EXTL3: variants seen among roughly 807,000 people sequenced by gnomAD.
EXTL3 encodes the protein exostosin-like 3.
In EXTL3, 27 loss-of-function variants were observed where a neutral mutation model predicts 69.3. The observed-to-expected ratio is 0.39, with a 90% CI of 0.29 to 0.54. The LOEUF (loss-of-function observed/expected upper bound fraction) is 0.54. Ranked by LOEUF, EXTL3 falls within the 20% of genes least tolerant of loss-of-function variation. The pLI, the probability that EXTL3 is intolerant of heterozygous loss-of-function variation, is 0.69. For synonymous variants in EXTL3, 511 were observed against 499.4 expected (o/e 1.02, Z -0.31); for missense variants, 1,003 against 1,231.8 (o/e 0.81, Z 2.78).
At chr8:28,664,475 A>C (rs922801551) in intron 1 of EXTL3, among the ~76,000 whole-genome samples, 2 of 152,140 alleles carry the variant, frequency 1.3e-5, no homozygotes, top group Non-Finnish European at 2.9e-5. Context: ...GAGCCACTGC[A>C]TCCGGCCTCT....
intron 1 of EXTL3, among the ~76,000 whole-genome samples, chr8:28,642,330 C>T (rs1585227341): frequency 6.6e-6 from 1 of 151,486 alleles, no homozygotes. Flanking sequence ...CCTGTGGTCC[C>T]AGCCACTTGG....
In EXTL3 at chr8:28,616,495, C is replaced by T. The variant is rs191265649; in HGVS notation, n.314+8737C>T. ...ATAAAAAATTAGCAGGGCGTGGTGG[C>T]GGGCGCCTGCAGTCCCAGCTACTTG... is the stretch of plus-strand genomic sequence containing the variant. On this transcript the variant is annotated intron_variant and non_coding_transcript_variant, in intron 2 of 4. Transcript: ENST00000522725. Among the ~76,000 whole-genome samples, 485 of 152,188 alleles carry T rather than the reference C, an allele frequency of 3.2e-3. 1 individual carries two copies. Among genetic ancestry groups the T allele is most frequent in the African/African-American group, 7.1e-3 (296 of 41,536 alleles).
intron 6 of EXTL3, among the ~76,000 whole-genome samples, chr8:28,749,063 AAG>A (rs1460157368): frequency 4.6e-5 from 7 of 152,258 alleles, no homozygotes; most frequent in African/African-American, 1.2e-4. Context: ...ACTTAAGAAA[AAG>A]AGAAATTTCT....
intron 3 of EXTL3, among the ~76,000 whole-genome samples, chr8:28,729,292 C>CAAAAAAAAA (rs72487306): frequency 1.4e-5 from 1 of 74,048 alleles, no homozygotes; most frequent in African/African-American, 5.9e-5. Context: ...GACTCTATCT[C>CAAAAAAAAA]AAAAAAAAAA....
chr8:28,609,626 G>C (rs10094832), intron 2 of EXTL3, among the ~76,000 whole-genome samples: 39,650 of 151,118 alleles, frequency 0.26, 5,372 homozygotes, highest in Non-Finnish European at 0.29. Flanking sequence ...TAGCTCATAC[G>C]TGGAATCCCA....
intron 6 of EXTL3, among the ~76,000 whole-genome samples, chr8:28,747,774 G>C (rs983441233): frequency 9.5e-5 from 14 of 147,392 alleles, no homozygotes; most frequent in Non-Finnish European, 2.1e-4. Flanking sequence ...TGTCACCCAG[G>C]CTGCAGTGCA....
At chr8:28,673,570 T>C (rs970947832) in intron 1 of EXTL3, among the ~76,000 whole-genome samples, 11 of 152,196 alleles carry the variant, frequency 7.2e-5, no homozygotes, top group African/African-American at 1.4e-4. Context: ...TGAGCTTTCC[T>C]GGGTCTCTGG....
At chr8:28,733,448 G>C (rs185103001) in intron 4 of EXTL3, among the ~76,000 whole-genome samples, 1 of 152,182 alleles carries the variant, frequency 6.6e-6, no homozygotes, top group Non-Finnish European at 1.5e-5. Flanking sequence ...GCTGAGGCTG[G>C]AGTGCAGTGG....
intron 6 of EXTL3, chr8:28,744,041 C>T (rs552133311): frequency 6.6e-6 from 1 of 152,356 alleles, no homozygotes; most frequent in East Asian, 1.9e-4. Context: ...CCACCCACTT[C>T]CTGTCATCTT....
intron 1 of EXTL3, among the ~76,000 whole-genome samples, chr8:28,675,250 T>C (rs1807361560): frequency 6.6e-6 from 1 of 152,150 alleles, no homozygotes; most frequent in South Asian, 2.1e-4. Flanking sequence ...AGGCATCTGG[T>C]ATGGGCTGCT....
intron 1 of EXTL3, among the ~76,000 whole-genome samples, chr8:28,680,410 A>G (rs982351652): frequency 6.6e-6 from 1 of 151,324 alleles, no homozygotes; most frequent in Admixed American, 6.6e-5. Flanking sequence ...AAAAAACAGC[A>G]TACTATTTAT....
rs1013321064 is a variant in EXTL3 at position 28,713,493 on chromosome 8, C to G, written c.-533C>G. 4 of 700,216 alleles carry G rather than the reference C, an allele frequency of 5.7e-6. No individual in the cohort carries two copies. The highest frequency in any genetic ancestry group is 1.0e-5 in the Non-Finnish European group (4 of 384,204). 43.4% of individuals were successfully genotyped at this position (700,216 alleles called of 1,614,324 possible). A position where few individuals can be genotyped will look rare whatever the true frequency, so the allele number is the denominator to read the frequency against. ...CTGGAGGTTCACTCTTTCAAGAAGT[C>G]GTGTGCTGAGGTGTAATGCTACACA... On this transcript the variant is annotated 5_prime_UTR_variant, in exon 2 of 7. Coordinates refer to ENST00000220562, the MANE Select transcript of EXTL3 (RefSeq NM_001440.4).
chr8:28,676,523 T>C (rs1038857240), intron 1 of EXTL3, among the ~76,000 whole-genome samples: 7 of 152,196 alleles, frequency 4.6e-5, no homozygotes, highest in Non-Finnish European at 8.8e-5. Flanking sequence ...TGTGCAACAT[T>C]TTGGTAAACA....
chr8:28,708,185 A>G (rs1800961022), intron 1 of EXTL3, among the ~76,000 whole-genome samples: 2 of 152,208 alleles, frequency 1.3e-5, no homozygotes, highest in Admixed American at 1.3e-4. Context: ...TTGCATCATA[A>G]TCTTCACTCT....
intron 1 of EXTL3, among the ~76,000 whole-genome samples, chr8:28,709,945 T>A (rs1283845265): frequency 6.6e-6 from 1 of 152,156 alleles, no homozygotes; most frequent in Non-Finnish European, 1.5e-5. Context: ...GTGATTACAT[T>A]ACAGCTTTCC....
At position 28,754,759 on chromosome 8, in the gene EXTL3, C is replaced by CA. The variant is rs11409119; in HGVS notation, c.*3897dup. On this transcript the variant is annotated 3_prime_UTR_variant, in exon 7 of 7. Transcript: ENST00000220562. ...GAAGTGGAAGGCTCCACAAGGTTTACAAAATGTGTTAAGAAGAATGTTGAT... is the reference window on the plus strand; with the variant it reads ...GAAGTGGAAGGCTCCACAAGGTTTACAAAAATGTGTTAAGAAGAATGTTGAT... The CA allele has an allele frequency of 0.29, 43,828 of 152,068 alleles. 6,610 individuals are homozygous for CA. The highest frequency in any genetic ancestry group is 0.38 in the African/African-American group (15,737 of 41,436). 9.4% of individuals were successfully genotyped at this position (152,068 alleles called of 1,614,324 possible). A position where few individuals can be genotyped will look rare whatever the true frequency, so the allele number is the denominator to read the frequency against.
At chr8:28,673,004 A>G (rs187793222) in intron 1 of EXTL3, among the ~76,000 whole-genome samples, 16 of 152,316 alleles carry the variant, frequency 1.1e-4, no homozygotes, top group Admixed American at 3.9e-4. Flanking sequence ...GTGGCCATGT[A>G]AGATGTGCCT....
chr8:28,610,231 G>A (rs1299819864), intron 2 of EXTL3, among the ~76,000 whole-genome samples: 1 of 152,016 alleles, frequency 6.6e-6, no homozygotes, highest in Non-Finnish European at 1.5e-5. Flanking sequence ...GTGTGTGTGT[G>A]TGTGTGTTTG....
chr8:28,612,365 A>G (rs546235160), intron 2 of EXTL3, among the ~76,000 whole-genome samples: 1 of 152,146 alleles, frequency 6.6e-6, no homozygotes, highest in South Asian at 2.1e-4. Flanking sequence ...GAGGCAGCAG[A>G]ATCGCTTGAA....
Sources: allele counts gnomAD v4.1 joint callset (sites outside exome capture counted in the v4.1 genomes callset), GRCh38; gene constraint gnomAD v4.1.1; transcripts MANE v1.5; gene names NCBI Gene and HGNC (gene_info 2026-07-23, HGNC 2026-07-21).